Variants in ATPAF1 observed in about 807,000 individuals in gnomAD.
ATPAF1 encodes homolog of yeast ATP11.
In ATPAF1, 26 loss-of-function variants were observed where a neutral mutation model predicts 43.9. The observed-to-expected ratio is 0.59, with a 90% CI of 0.43 to 0.82. The LOEUF (loss-of-function observed/expected upper bound fraction) is 0.82. Among genes scored for constraint, ATPAF1 ranks in the 40% least tolerant of loss-of-function variants. The pLI, the probability that ATPAF1 is intolerant of heterozygous loss-of-function variation, is 0.00. For synonymous variants in ATPAF1, 157 were observed against 168.0 expected (o/e 0.93, Z 0.50); for missense variants, 366 against 435.0 (o/e 0.84, Z 1.41).
At chr1:46,633,080 T>C (rs981476109), downstream of ATPAF1, 1 of 152,718 alleles carries the variant, frequency 6.5e-6, no homozygotes, top group African/African-American at 2.4e-5. Context: ...TTGGAGCACA[T>C]ATTAACAAGT....
intron 1 of ATPAF1, among the ~76,000 whole-genome samples, chr1:46,667,567 T>G (rs765163582): frequency 2.0e-5 from 3 of 152,268 alleles, no homozygotes; most frequent in African/African-American, 7.2e-5. Flanking sequence ...GAGGGTTCAA[T>G]GGGTGATCCG....
At chr1:46,632,798 A>G (rs750687180), downstream of ATPAF1, 2 of 152,682 alleles carry the variant, frequency 1.3e-5, no homozygotes, top group Non-Finnish European at 2.9e-5. Context: ...TCTATGGTCC[A>G]GGCCATGTCC....
At chr1:46,636,023 CTT>C in intron 8 of ATPAF1, 53 bp from the exon 9 acceptor site, 2 of 1,592,160 alleles carry the variant, frequency 1.3e-6, no homozygotes, top group Non-Finnish European at 1.7e-6. Context: ...CCACAAAGCT[CTT>C]GTCTGAATTG....
chr1:46,636,112 G>A (rs760728328), intron 8 of ATPAF1, 142 bp from the exon 9 acceptor site: 2 of 849,922 alleles, frequency 2.4e-6, no homozygotes, highest in Admixed American at 3.8e-5. Flanking sequence ...CCCTAGTCTT[G>A]GTTAGGTGCC....
At chr1:46,644,213 A>C (rs538653570) in intron 7 of ATPAF1, among the ~76,000 whole-genome samples, 1 of 152,210 alleles carries the variant, frequency 6.6e-6, no homozygotes, top group Admixed American at 6.5e-5. Flanking sequence ...TCCAAGTCTT[A>C]GCACAGTTCC....
At chr1:46,667,754 T>C (rs1316380893) in intron 1 of ATPAF1, among the ~76,000 whole-genome samples, 1 of 152,182 alleles carries the variant, frequency 6.6e-6, no homozygotes, top group Admixed American at 6.5e-5. Flanking sequence ...TTCCCATTTC[T>C]ATAATGAGGA....
At chr1:46,661,268 G>T (rs2439442) in intron 2 of ATPAF1, among the ~76,000 whole-genome samples, 21,304 of 151,996 alleles carry the variant, frequency 0.14, 3,818 homozygotes, top group African/African-American at 0.4. Flanking sequence ...GTAGAGACGG[G>T]GTTTCACCGT....
At chr1:46,648,741 G>T (rs1209610927) in intron 6 of ATPAF1, among the ~76,000 whole-genome samples, 1 of 152,100 alleles carries the variant, frequency 6.6e-6, no homozygotes, top group Admixed American at 6.6e-5. Flanking sequence ...ACTTTGGGAG[G>T]CTGAGGCAAG....
intron 6 of ATPAF1, 177 bp downstream of exon 6, chr1:46,652,404 T>A (rs1676188268): frequency 6.9e-6 from 4 of 575,568 alleles, no homozygotes; most frequent in Middle Eastern, 2.8e-4. Flanking sequence ...CGTGTGAGCA[T>A]CTTTATTAAG....
chr1:46,657,184 T>C (rs583649), intron 4 of ATPAF1, among the ~76,000 whole-genome samples: 11,700 of 152,186 alleles, frequency 0.077, 1,161 homozygotes, highest in East Asian at 0.4. Flanking sequence ...AAATAATGCA[T>C]ATGAAGCATT....
intron 6 of ATPAF1, 100 bp from the exon 7 acceptor site, chr1:46,645,356 T>C: frequency 2.0e-6 from 2 of 1,013,942 alleles, no homozygotes; most frequent in Non-Finnish European, 3.0e-6. Context: ...CCATATTTGG[T>C]TTTTAAAATA....
intron 2 of ATPAF1, chr1:46,663,761 T>C: frequency 1.1e-6 from 1 of 914,778 alleles, no homozygotes; most frequent in Non-Finnish European, 1.3e-6. Context: ...AAAAGTATTT[T>C]CCAAGTAAAA....
intron 4 of ATPAF1, among the ~76,000 whole-genome samples, 195 bp from the exon 5 acceptor site, chr1:46,654,062 G>GTTCC (rs1676218249): frequency 6.6e-6 from 1 of 152,180 alleles, no homozygotes; most frequent in South Asian, 2.1e-4. Flanking sequence ...TGATTAAACT[G>GTTCC]TAACTCTTAA....
chr1:46,643,133 G>A, intron 8 of ATPAF1, 61 bp downstream of exon 8: 1 of 1,336,112 alleles, frequency 7.5e-7, no homozygotes, highest in Non-Finnish European at 1.1e-6. Context: ...AGCTTTGGCA[G>A]AAGAGTAATA....
rs774107216 is a variant in ATPAF1 at position 46,636,096 on chromosome 1, T to C, written c.793-126A>G. The C allele has an allele frequency of 7.8e-6, 8 of 1,032,238 alleles. No homozygotes were observed. In the Admixed American group the frequency reaches 1.4e-4, roughly 19 times the overall value. 63.9% of individuals were successfully genotyped at this position (1,032,238 alleles called of 1,614,324 possible). Reference sequence around the variant, plus strand: ...CTTCCAGAAAGTTTCCTTAACTTCTTGAAGTCCCTAGTCTTGGTTAGGTGC... The same window carrying C: ...CTTCCAGAAAGTTTCCTTAACTTCTCGAAGTCCCTAGTCTTGGTTAGGTGC... On this transcript the variant is annotated intron_variant, in intron 8 of 8. Coordinates refer to ENST00000574428, the Ensembl canonical transcript of ATPAF1.
rs1332502363 is a variant in ATPAF1, at chr1:46,653,963, C to T, written c.490-96G>A. On this transcript the variant is annotated intron_variant, in intron 4 of 8. Coordinates refer to ENST00000574428, the Ensembl canonical transcript of ATPAF1. The surrounding 1 kb of genome is among the most constrained non-coding windows in gnomAD (Gnocchi z 4.8). ...AGTTTTCATTGCTCAGAGGAATATG[C>T]TATTTGATAACAGAGAGGAAAAACC... 3 of 1,158,366 alleles carry T rather than the reference C, an allele frequency of 2.6e-6. No homozygotes were observed. The highest frequency in any genetic ancestry group is 4.0e-5 in the Admixed American group (2 of 49,862). 71.8% of individuals were successfully genotyped at this position (1,158,366 alleles called of 1,614,324 possible). A position where few individuals can be genotyped will look rare whatever the true frequency, so the allele number is the denominator to read the frequency against.
intron 8 of ATPAF1, among the ~76,000 whole-genome samples, chr1:46,641,767 T>C (rs557853186): frequency 1.3e-5 from 2 of 152,320 alleles, no homozygotes; most frequent in African/African-American, 4.8e-5. Flanking sequence ...TTTTACCTCA[T>C]GGCCATTCCT....
Position 46,668,290 on chromosome 1 carries a change from G to A in ATPAF1, c.33C>T (p.Gly11=). Reference sequence around the variant, plus strand: ...CCACCTGCAGGACCGCCGGTCCCGCGCCACCCGCAGCCGCCACCACCACAG... The same window carrying A: ...CCACCTGCAGGACCGCCGGTCCCGCACCACCCGCAGCCGCCACCACCACAG... Residue 11 remains glycine (G), a synonymous_variant, in exon 1 of 9, where the codon GGC becomes GGT. Transcript: ENST00000574428. The surrounding 1 kb of genome is among the most constrained non-coding windows in gnomAD (Gnocchi z 4.4). The A allele has an allele frequency of 4.4e-6, 6 of 1,378,932 alleles. No homozygotes were observed. Among genetic ancestry groups the A allele is most frequent in the South Asian group, 1.6e-5 (1 of 63,672 alleles). The allele number at this position is 1,378,932 out of a possible 1,614,324, so 85.4% of individuals were successfully genotyped here.
At chr1:46,663,623 TG>T (rs1171247326) in intron 2 of ATPAF1, among the ~76,000 whole-genome samples, 2 of 140,068 alleles carry the variant, frequency 1.4e-5, no homozygotes, top group Admixed American at 7.8e-5. Context: ...CACTTTTTGA[TG>T]GGGTTTTTTT....
Sources: gnomAD v4.1 joint callset for allele counts (sites outside exome capture counted in the v4.1 genomes callset) on GRCh38, gnomAD v4.1.1 for gene constraint, Gnocchi (gnomAD v3.1) non-coding constraint, MANE v1.5 for transcripts, NCBI Gene and HGNC (gene_info 2026-07-23, HGNC 2026-07-21) for gene names.